SLC25A48: variants seen among roughly 807,000 people sequenced by gnomAD.
SLC25A48 encodes the protein CTC-321K16.1.
In SLC25A48, 29 loss-of-function variants were observed where a neutral mutation model predicts 32.2. The ratio of observed to expected loss-of-function variants is 0.90; its 90% CI spans 0.67 to 1.23. SLC25A48 has a LOEUF of 1.23. Ranked by LOEUF, SLC25A48 falls within the 50% of genes most tolerant of loss-of-function variation. The probability of loss-of-function intolerance (pLI) is 0.00; values close to 1 mark genes in which losing one functional copy is unlikely to be tolerated. For synonymous variants in SLC25A48, 164 were observed against 172.3 expected, an observed-to-expected ratio of 0.95 and a Z score of 0.38; for missense variants, 399 against 422.7, an observed-to-expected ratio of 0.94 and a Z score of 0.49.
intron 3 of SLC25A48, among the ~76,000 whole-genome samples, chr5:135,692,054 A>G (rs1187695853): frequency 2.0e-5 from 3 of 152,286 alleles, no homozygotes; most frequent in African/African-American, 4.8e-5. Context: ...GCGGTGGCTC[A>G]CACCTGTAAT....
intron 1 of SLC25A48, among the ~76,000 whole-genome samples, chr5:135,615,315 C>A (rs891399809): frequency 6.6e-6 from 1 of 152,166 alleles, no homozygotes; most frequent in Non-Finnish European, 1.5e-5. Flanking sequence ...GTGATATGGA[C>A]AGTGAACACC....
chr5:135,634,103 A>G (rs1752642468), intron 2 of SLC25A48, among the ~76,000 whole-genome samples: 1 of 152,064 alleles, frequency 6.6e-6, no homozygotes. Flanking sequence ...CACCAGTCCT[A>G]TTTGCTCTCC....
intron 1 of SLC25A48, among the ~76,000 whole-genome samples, chr5:135,599,382 G>A (rs1995773): frequency 0.17 from 25,844 of 152,106 alleles, 2,476 homozygotes; most frequent in Non-Finnish European, 0.19. Context: ...GGAGTGCCCC[G>A]CTCCTGTCAG....
intron 3 of SLC25A48, among the ~76,000 whole-genome samples, chr5:135,712,391 T>A (rs1223463078): frequency 6.6e-6 from 1 of 152,194 alleles, no homozygotes; most frequent in Non-Finnish European, 1.5e-5. Flanking sequence ...ATGACCCTAA[T>A]ACTTATTAAC....
intron 3 of SLC25A48, among the ~76,000 whole-genome samples, chr5:135,696,176 AGCAGAAT>A (rs1459127891): frequency 6.6e-6 from 1 of 152,244 alleles, no homozygotes; most frequent in Admixed American, 6.5e-5. Context: ...AGGAAGTGTC[AGCAGAAT>A]GCATTGCAGC....
chr5:135,876,703 T>C (rs1357682530), intron 6 of SLC25A48, among the ~76,000 whole-genome samples: 1 of 152,254 alleles, frequency 6.6e-6, no homozygotes, highest in Non-Finnish European at 1.5e-5. Flanking sequence ...TATGTGTATG[T>C]ACATATCTAT....
At chr5:135,839,830 G>A (rs759583937) in intron 1 of SLC25A48, among the ~76,000 whole-genome samples, 2 of 152,158 alleles carry the variant, frequency 1.3e-5, no homozygotes, top group Non-Finnish European at 2.9e-5. Flanking sequence ...TGAGTCTTAT[G>A]AGACTTGATG....
At chr5:135,779,039 A>G (rs1396599409) in intron 3 of SLC25A48, among the ~76,000 whole-genome samples, 1 of 151,808 alleles carries the variant, frequency 6.6e-6, no homozygotes, top group African/African-American at 2.4e-5. Flanking sequence ...AAAAGATGAT[A>G]TTACTTCCAA....
At chr5:135,835,967 C>A (rs1176101887) in intron 1 of SLC25A48, among the ~76,000 whole-genome samples, 2 of 152,204 alleles carry the variant, frequency 1.3e-5, no homozygotes, top group Non-Finnish European at 2.9e-5. Context: ...GGGGCTGAGA[C>A]CCGCCTCTCC....
intron 1 of SLC25A48, among the ~76,000 whole-genome samples, chr5:135,589,427 G>A (rs573455144): frequency 1.0e-3 from 155 of 152,330 alleles, no homozygotes; most frequent in African/African-American, 3.6e-3. Flanking sequence ...CTGACACCAG[G>A]CACTGGGCTC....
chr5:135,682,231 C>T (rs150431604), intron 3 of SLC25A48, among the ~76,000 whole-genome samples: 2 of 152,298 alleles, frequency 1.3e-5, no homozygotes, highest in Non-Finnish European at 1.5e-5. Context: ...TTTCCCTTCT[C>T]TTGGGGACCA....
chr5:135,735,198 G>A (rs1755332328), intron 3 of SLC25A48, among the ~76,000 whole-genome samples: 1 of 152,190 alleles, frequency 6.6e-6, no homozygotes, highest in African/African-American at 2.4e-5. Context: ...TAGGTGTTTG[G>A]AAGTTCTTGT....
At chr5:135,773,466 T>A (rs1441240638) in intron 3 of SLC25A48, among the ~76,000 whole-genome samples, 1 of 151,378 alleles carries the variant, frequency 6.6e-6, no homozygotes, top group Non-Finnish European at 1.5e-5. Flanking sequence ...CCTGTGATAT[T>A]GTTCATAATA....
At chr5:135,861,809 A>T (rs991960269) in intron 4 of SLC25A48, among the ~76,000 whole-genome samples, 2 of 152,234 alleles carry the variant, frequency 1.3e-5, no homozygotes, top group Non-Finnish European at 2.9e-5. Flanking sequence ...TGAAATTGTT[A>T]TCCAGAAGAG....
At chr5:135,615,962 A>G (rs1163869206) in intron 1 of SLC25A48, among the ~76,000 whole-genome samples, 2 of 152,240 alleles carry the variant, frequency 1.3e-5, no homozygotes, top group Admixed American at 1.3e-4. Flanking sequence ...TCCCAGGTAC[A>G]TGGGCTGCTG....
At chr5:135,718,373 G>A (rs1365051841) in intron 3 of SLC25A48, among the ~76,000 whole-genome samples, 2 of 152,136 alleles carry the variant, frequency 1.3e-5, no homozygotes, top group Non-Finnish European at 2.9e-5. Context: ...GAGGACTGTG[G>A]TAAAGATGTG....
chr5:135,775,988 A>C (rs1756547485), intron 3 of SLC25A48, among the ~76,000 whole-genome samples: 1 of 151,754 alleles, frequency 6.6e-6, no homozygotes, highest in African/African-American at 2.4e-5. Context: ...CCAATATCAC[A>C]GGGGGTTTAC....
chr5:135,886,748 G>A (rs1030378352), intron 7 of SLC25A48, among the ~76,000 whole-genome samples: 5 of 147,142 alleles, frequency 3.4e-5, no homozygotes, highest in Admixed American at 6.9e-5. Flanking sequence ...GCTGTTACAG[G>A]CATTGGGTGA....
chr5:135,750,750 C>G (rs1755751935), intron 3 of SLC25A48, among the ~76,000 whole-genome samples: 1 of 152,186 alleles, frequency 6.6e-6, no homozygotes, highest in Admixed American at 6.5e-5. Context: ...CCATCTGGAT[C>G]TGTGCCCTTG....
Sources: gnomAD v4.1 joint callset for allele counts (sites outside exome capture counted in the v4.1 genomes callset) on GRCh38, gnomAD v4.1.1 for gene constraint, MANE v1.5 for transcripts, NCBI Gene and HGNC (gene_info 2026-07-23, HGNC 2026-07-21) for gene names.